ANOS1: variants seen among roughly 807,000 people sequenced by gnomAD.
ANOS1 encodes anosmin-1.
A neutral mutation model predicts 59.0 loss-of-function variants in ANOS1; 6 were observed. That is an observed-to-expected ratio of 0.10 (90% CI 0.06 to 0.20). ANOS1 has a LOEUF of 0.20. ANOS1 is among the 10% of genes least tolerant of loss of function. The pLI, the probability that ANOS1 is intolerant of heterozygous loss-of-function variation, is 1.00. For missense variants in ANOS1, 433 were observed against 542.3 expected (o/e 0.80, Z 2.00); for synonymous variants, 217 against 223.4 (o/e 0.97, Z 0.25).
At chrX:8,676,719 T>C (rs1932343150) in intron 2 of ANOS1, among the ~76,000 whole-genome samples, 1 of 111,997 alleles carries the variant, frequency 8.9e-6, no homozygotes, top group Non-Finnish European at 1.9e-5. Flanking sequence ...TCACTTCACT[T>C]TTCTCACCTG....
At chrX:8,594,602 T>C (rs1279833647) in intron 4 of ANOS1, among the ~76,000 whole-genome samples, 1 of 91,655 alleles carries the variant, frequency 1.1e-5, no homozygotes, top group Non-Finnish European at 2.1e-5. Context: ...AAAACCAGCC[T>C]TCCTGGAGGG....
intron 3 of ANOS1, among the ~76,000 whole-genome samples, chrX:8,598,241 T>G (rs921315812): frequency 8.9e-6 from 1 of 111,976 alleles, no homozygotes; most frequent in African/African-American, 3.2e-5. Flanking sequence ...GCTGAGGACA[T>G]TTTGGTTGAG....
chrX:8,716,864 G>A (rs1932844458), intron 1 of ANOS1, among the ~76,000 whole-genome samples: 1 of 112,031 alleles, frequency 8.9e-6, no homozygotes, highest in Admixed American at 9.5e-5. Flanking sequence ...TATACAGATA[G>A]AGACAGACAC....
intron 10 of ANOS1, 57 bp from the exon 11 acceptor site, chrX:8,536,999 C>T (rs1260976551): frequency 3.1e-6 from 3 of 980,765 alleles, no homozygotes; most frequent in Non-Finnish European, 4.3e-6. Flanking sequence ...GATTAAAAAA[C>T]ACTGGCAAGA....
intron 3 of ANOS1, among the ~76,000 whole-genome samples, chrX:8,599,738 A>G (rs1019523756): frequency 8.9e-6 from 1 of 112,174 alleles, no homozygotes; most frequent in African/African-American, 3.2e-5. Context: ...CTTTAGTCAG[A>G]TAGGTGTCTG....
intron 3 of ANOS1, among the ~76,000 whole-genome samples, chrX:8,615,088 G>A (rs1931144085): frequency 9.1e-6 from 1 of 110,481 alleles, no homozygotes; most frequent in Admixed American, 9.7e-5. Context: ...CCCCTAAGTC[G>A]AAAAGAAGAC....
chrX:8,666,752 A>C (rs1220996006), intron 2 of ANOS1, among the ~76,000 whole-genome samples: 1 of 112,163 alleles, frequency 8.9e-6, no homozygotes, highest in Non-Finnish European at 1.9e-5. Flanking sequence ...GCGTCCATCC[A>C]AAATGTGGAC....
chrX:8,646,770 T>C (rs59942287), intron 2 of ANOS1, among the ~76,000 whole-genome samples: 14,959 of 107,424 alleles, frequency 0.14, 1,625 homozygotes, highest in African/African-American at 0.35. Flanking sequence ...CTACCTCTAC[T>C]AAAAATACAA....
intron 6 of ANOS1, among the ~76,000 whole-genome samples, chrX:8,584,137 T>G (rs1930469919): frequency 1.8e-5 from 2 of 112,343 alleles, no homozygotes; most frequent in Admixed American, 1.9e-4. Context: ...GCCCAAATCC[T>G]GCAGGCAACT....
At chrX:8,558,143 AG>A (rs1271887027) in intron 8 of ANOS1, among the ~76,000 whole-genome samples, 1 of 101,626 alleles carries the variant, frequency 9.8e-6, no homozygotes, top group Admixed American at 1.1e-4. Flanking sequence ...GAGCACAGGG[AG>A]GGGAACATCA....
chrX:8,550,244 C>G (rs1028109108), intron 9 of ANOS1, among the ~76,000 whole-genome samples: 3 of 111,129 alleles, frequency 2.7e-5, no homozygotes, highest in Non-Finnish European at 5.7e-5. Context: ...AGTATGCCAT[C>G]TATAATAGGA....
In ANOS1 at chrX:8,597,178, C is replaced by G; in HGVS notation, c.397G>C (p.Asp133His). 1 of 1,211,563 alleles carries G rather than the reference C, an allele frequency of 8.3e-7. No individual in the cohort carries two copies. The highest frequency in any genetic ancestry group is 2.2e-5 in the Admixed American group (1 of 46,037). ...CTGGCTTTCTCAGGAGCCGGACAGT[C>G]CCCCTGCTTCACCAACAGGATGTAT... ...LKYILLVKQGDCPAPEKASGF... is the reference protein window; with the variant it reads ...LKYILLVKQGHCPAPEKASGF... The change falls in exon 4 of 14, where the codon GAC becomes CAC. Residue 133 changes from aspartate (D) to histidine (H), a missense_variant. Physicochemically the swap from Asp to His is moderately conservative, Grantham distance 81. Coordinates refer to ENST00000262648, the MANE Select transcript of ANOS1 (RefSeq NM_000216.4).
At chrX:8,708,969 T>C (rs1343844300) in intron 1 of ANOS1, among the ~76,000 whole-genome samples, 2 of 111,098 alleles carry the variant, frequency 1.8e-5, no homozygotes, top group South Asian at 3.8e-4. Context: ...TGCAGGGACA[T>C]GGATGAAGCT....
intron 2 of ANOS1, among the ~76,000 whole-genome samples, chrX:8,654,440 T>C (rs1931898176): frequency 8.9e-6 from 1 of 112,583 alleles, no homozygotes; most frequent in East Asian, 2.8e-4. Flanking sequence ...AATATGTTTT[T>C]GACCTACTGC....
intron 4 of ANOS1, among the ~76,000 whole-genome samples, chrX:8,589,406 T>C (rs932546592): frequency 3.6e-5 from 4 of 111,847 alleles, no homozygotes; most frequent in Non-Finnish European, 7.5e-5. Flanking sequence ...GAATAGGAGA[T>C]AACTGAATCT....
intron 12 of ANOS1, 55 bp downstream of exon 12, chrX:8,535,536 A>G: frequency 1.0e-6 from 1 of 973,265 alleles, no homozygotes; most frequent in Admixed American, 2.3e-5. Flanking sequence ...GAAGGTCAGT[A>G]AAAAGGAGCA....
intron 2 of ANOS1, among the ~76,000 whole-genome samples, chrX:8,660,897 A>G (rs1026027967): frequency 1.8e-5 from 2 of 112,190 alleles, no homozygotes; most frequent in Admixed American, 1.9e-4. Flanking sequence ...GACATTTTTA[A>G]GTAACACACT....
At chrX:8,603,062 A>G (rs1305392938) in intron 3 of ANOS1, among the ~76,000 whole-genome samples, 1 of 112,026 alleles carries the variant, frequency 8.9e-6, no homozygotes, top group Non-Finnish European at 1.9e-5. Context: ...TTGCCAGGTC[A>G]TTGGCTCCAA....
intron 2 of ANOS1, among the ~76,000 whole-genome samples, chrX:8,632,910 A>G (rs76379599): frequency 0.12 from 13,067 of 110,822 alleles, 1,060 homozygotes; most frequent in African/African-American, 0.27. Context: ...AAAGCTGTGG[A>G]CCTGCTTTTT....
Sources: gnomAD v4.1 joint callset for allele counts (sites outside exome capture counted in the v4.1 genomes callset) on GRCh38, gnomAD v4.1.1 for gene constraint, MANE v1.5 for transcripts, NCBI Gene and HGNC (gene_info 2026-07-23, HGNC 2026-07-21) for gene names.